Variants in ZC3HAV1 observed in about 807,000 individuals in gnomAD.
ZC3HAV1 encodes the protein zinc finger CCCH-type containing, antiviral 1, also known as zinc finger CCCH-type antiviral protein 1.
A neutral mutation model predicts 86.6 loss-of-function variants in ZC3HAV1; 41 were observed. The observed-to-expected ratio is 0.47, with a 90% CI of 0.37 to 0.61. The LOEUF is 0.61. Ranked by LOEUF, ZC3HAV1 falls within the 20% of genes least tolerant of loss-of-function variation. The pLI is 0.00. For missense variants in ZC3HAV1, 964 were observed against 1,141.1 expected (o/e 0.84, Z 2.24); for synonymous variants, 421 against 432.1 (o/e 0.97, Z 0.32).
rs569258213 is a variant in ZC3HAV1 at position 139,045,816 on chromosome 7, C to T, written c.*1778G>A. ...AGTTCAGAAAATGAACACTCCAAAA[C>T]GAAAGTTACCATGAAAGAAATAAGT... On this transcript the variant is annotated 3_prime_UTR_variant, in exon 13 of 13. Coordinates refer to ENST00000242351, the MANE Select transcript of ZC3HAV1 (RefSeq NM_020119.4). 8.0e-5 allele frequency: 12 copies of T among 149,862 alleles called. No homozygotes were observed. In the South Asian group the frequency reaches 1.9e-3, roughly 24 times the overall value. The allele number at this position is 149,862 out of a possible 1,614,324, so 9.3% of individuals were successfully genotyped here. A position where few individuals can be genotyped will look rare whatever the true frequency, so the allele number is the denominator to read the frequency against.
intron 12 of ZC3HAV1, among the ~76,000 whole-genome samples, chr7:139,048,908 G>A (rs1168046282): frequency 6.6e-6 from 1 of 151,698 alleles, no homozygotes; most frequent in Non-Finnish European, 1.5e-5. Context: ...GACCTACGAC[G>A]TCCAATCCCA....
At chr7:139,052,292 TC>T (rs1404800894) in intron 12 of ZC3HAV1, among the ~76,000 whole-genome samples, 1 of 95,906 alleles carries the variant, frequency 1.0e-5, no homozygotes, top group Non-Finnish European at 1.9e-5. Context: ...CCCCCTCCCC[TC>T]TGGTTTGTTT....
At position 139,076,173 on chromosome 7, in the gene ZC3HAV1, C is replaced by T. The variant is rs1301410779; in HGVS notation, c.1697+113G>A. 10 of 1,501,852 alleles carry T rather than the reference C, an allele frequency of 6.7e-6. No homozygotes were observed. In the Admixed American group the frequency reaches 1.2e-4, roughly 18 times the overall value. 93.0% of individuals were successfully genotyped at this position (1,501,852 alleles called of 1,614,324 possible). On this transcript the variant is annotated intron_variant, in intron 6 of 12. Transcript: ENST00000242351. ...TTTATCTCAAGAGGTATTTCACACT[C>T]GAATGGGATTCTGATGGAAAAGTGT...
chr7:139,061,522 G>A (rs1816442938), intron 8 of ZC3HAV1, among the ~76,000 whole-genome samples: 1 of 152,222 alleles, frequency 6.6e-6, no homozygotes, highest in Admixed American at 6.5e-5. Flanking sequence ...TCTACATCAA[G>A]TGTGAAATAT....
intron 2 of ZC3HAV1, 53 bp downstream of exon 2, chr7:139,089,571 C>G (rs1480827618): frequency 1.9e-5 from 29 of 1,526,568 alleles, no homozygotes; most frequent in Middle Eastern, 1.7e-4. Flanking sequence ...ATATCTGTGA[C>G]ACAATACTGC....
chr7:139,070,610 G>GCCGAGAT (rs1250782830), intron 7 of ZC3HAV1, among the ~76,000 whole-genome samples: 1 of 147,346 alleles, frequency 6.8e-6, no homozygotes, highest in Non-Finnish European at 1.5e-5. Context: ...CTTGCAGTAA[G>GCCGAGAT]CCGAGATCGC....
At chr7:139,077,907 T>C (rs992675713) in intron 5 of ZC3HAV1, among the ~76,000 whole-genome samples, 3 of 152,214 alleles carry the variant, frequency 2.0e-5, no homozygotes, top group Admixed American at 6.5e-5. Context: ...CCACTCATTA[T>C]AGTCCACACC....
Position 139,065,015 on chromosome 7 carries a change from AT to A in ZC3HAV1, c.1873-17del. The A allele has an allele frequency of 6.2e-7, 1 of 1,613,778 alleles. No homozygotes were observed. The highest frequency in any genetic ancestry group is 8.5e-7 in the Non-Finnish European group (1 of 1,179,912). On this transcript the variant is annotated splice_polypyrimidine_tract_variant and intron_variant, in intron 7 of 12. Coordinates refer to ENST00000242351, the MANE Select transcript of ZC3HAV1 (RefSeq NM_020119.4). ...GTTTGTCTTTCTAATTGGAAAAAAAATAAAAGGTAAAGTCAGGGTAGGCTTT... is the reference window on the plus strand; with the variant it reads ...GTTTGTCTTTCTAATTGGAAAAAAAAAAAAGGTAAAGTCAGGGTAGGCTTT...
At position 139,109,463 on chromosome 7, in the gene ZC3HAV1, C is replaced by A. The variant is rs973317863; in HGVS notation, c.-132G>T. Reference sequence around the variant, plus strand: ...TGGGCGCGCCCGGAGTCAGCGAGGGCGCGCTCTCCGTCGCCGTTAGCCCAG... The same window carrying A: ...TGGGCGCGCCCGGAGTCAGCGAGGGAGCGCTCTCCGTCGCCGTTAGCCCAG... On this transcript the variant is annotated 5_prime_UTR_variant, in exon 1 of 13. Transcript: ENST00000242351. The A allele has an allele frequency of 2.7e-4, 314 of 1,163,714 alleles. No individual in the cohort carries two copies. Among genetic ancestry groups the A allele is most frequent in the South Asian group, 1.4e-3 (82 of 60,414 alleles). 72.1% of individuals were successfully genotyped at this position (1,163,714 alleles called of 1,614,324 possible).
In ZC3HAV1 at chr7:139,079,438, A is replaced by G. The variant is rs777630351; in HGVS notation, c.1471+32T>C. 66 of 1,614,078 alleles carry G rather than the reference A, an allele frequency of 4.1e-5. No individual in the cohort carries two copies. The Middle Eastern group carries it at 1.2e-3, about 28-fold the overall frequency. On this transcript the variant is annotated intron_variant, in intron 4 of 12. Transcript: ENST00000242351. ...CATTTGGTATATCATGAACAAATGT[A>G]CTAGCCCAAAGTGTCTTCCCTTTGT... is the stretch of plus-strand genomic sequence containing the variant.
At chr7:139,087,288 T>A (rs1486111987) in intron 2 of ZC3HAV1, among the ~76,000 whole-genome samples, 1 of 152,160 alleles carries the variant, frequency 6.6e-6, no homozygotes, top group Non-Finnish European at 1.5e-5. Context: ...CATGGAGGAC[T>A]GGGTTAGTAC....
At position 139,108,977 on chromosome 7, in the gene ZC3HAV1, C is replaced by T; in HGVS notation, c.308+47G>A. 6.7e-7 allele frequency: 1 copy of T among 1,499,488 alleles called. No homozygotes were observed. The highest frequency in any genetic ancestry group is 9.0e-7 in the Non-Finnish European group (1 of 1,114,654). The allele number at this position is 1,499,488 out of a possible 1,614,324, so 92.9% of individuals were successfully genotyped here. A position where few individuals can be genotyped will look rare whatever the true frequency, so the allele number is the denominator to read the frequency against. On this transcript the variant is annotated intron_variant, in intron 1 of 12. Coordinates refer to ENST00000242351, the MANE Select transcript of ZC3HAV1 (RefSeq NM_020119.4). This position sits in a 1 kb window ranked among gnomAD's most constrained non-coding sequence, Gnocchi z 4.2. ...GAACATTGCCCGCCTGGACAGTCCA[C>T]CCCGACCACGGCTGCGGACAGCGCC...
chr7:139,089,842 CA>C, intron 1 of ZC3HAV1, 83 bp from the exon 2 acceptor site: 1 of 1,450,486 alleles, frequency 6.9e-7, no homozygotes, highest in South Asian at 1.4e-5. Flanking sequence ...TTTCAGTCTG[CA>C]AAGACCCGTG....
intron 1 of ZC3HAV1, among the ~76,000 whole-genome samples, chr7:139,105,168 C>G (rs895341048): frequency 1.3e-5 from 2 of 151,924 alleles, no homozygotes; most frequent in Non-Finnish European, 2.9e-5. Flanking sequence ...GAGCTATGAC[C>G]GTGCCACTGC....
chr7:139,064,748 A>T (rs1161433673), intron 8 of ZC3HAV1, 131 bp downstream of exon 8: 2 of 1,451,972 alleles, frequency 1.4e-6, no homozygotes, highest in African/African-American at 2.8e-5. Flanking sequence ...ACTAGCTTGC[A>T]CTCCACCGCC....
At chr7:139,104,919 G>A (rs1817884500) in intron 1 of ZC3HAV1, among the ~76,000 whole-genome samples, 1 of 147,052 alleles carries the variant, frequency 6.8e-6, no homozygotes, top group Non-Finnish European at 1.5e-5. Flanking sequence ...TGTAATCCCA[G>A]CTACTCGGGA....
At chr7:139,075,477 G>A (rs1032320992) in intron 6 of ZC3HAV1, among the ~76,000 whole-genome samples, 1 of 152,184 alleles carries the variant, frequency 6.6e-6, no homozygotes, top group African/African-American at 2.4e-5. Flanking sequence ...CTGTCACCCA[G>A]GCTGGAGTGT....
At position 139,109,343 on chromosome 7, in the gene ZC3HAV1, T is replaced by C; in HGVS notation, c.-12A>G. 1 of 1,566,462 alleles carries C rather than the reference T, an allele frequency of 6.4e-7. No homozygotes were observed. The highest frequency in any genetic ancestry group is 1.2e-5 in the South Asian group (1 of 85,764). ...TCCGGGTCCGCCATGGCGCGCTGGC[T>C]GTGCTGGCTCTGCCGCGGCGCGGGA... On this transcript the variant is annotated 5_prime_UTR_variant, in exon 1 of 13. Transcript: ENST00000242351.
intron 3 of ZC3HAV1, among the ~76,000 whole-genome samples, chr7:139,081,457 T>C (rs912760593): frequency 9.2e-5 from 14 of 152,146 alleles, no homozygotes; most frequent in African/African-American, 3.1e-4. Context: ...TCACAATAAG[T>C]TTACATTGAG....
Sources: allele counts gnomAD v4.1 joint callset (sites outside exome capture counted in the v4.1 genomes callset), GRCh38; gene constraint gnomAD v4.1.1; non-coding constraint Gnocchi (gnomAD v3.1); transcripts MANE v1.5; gene names NCBI Gene and HGNC (gene_info 2026-07-23, HGNC 2026-07-21).